The following TRAF3 variants were observed in gnomAD, a reference collection of about 807,000 sequenced individuals.
TRAF3 encodes the protein TNF receptor associated factor 3.
TRAF3 carries 13 observed loss-of-function variants against 62.3 expected under a neutral mutation model. That is an observed-to-expected ratio of 0.21 (90% CI 0.14 to 0.33). The LOEUF (loss-of-function observed/expected upper bound fraction) is 0.33. Among genes scored for constraint, TRAF3 ranks in the 10% least tolerant of loss-of-function variants. TRAF3 has a pLI of 1.00. For missense variants in TRAF3, 440 were observed against 741.8 expected (o/e 0.59, Z 4.73); for synonymous variants, 269 against 283.4 (o/e 0.95, Z 0.51).
chr14:102,889,764 A>G (rs1886896437), intron 8 of TRAF3, 130 bp downstream of exon 8: 1 of 1,158,668 alleles, frequency 8.6e-7, no homozygotes, highest in Non-Finnish European at 1.3e-6. Flanking sequence ...ACCCTGTTGC[A>G]TGGGTGACGA....
intron 1 of TRAF3, among the ~76,000 whole-genome samples, chr14:102,781,548 T>C (rs1897272535): frequency 6.6e-6 from 1 of 152,176 alleles, no homozygotes. Flanking sequence ...TGGTCCCAGT[T>C]ACTCCAGAGG....
intron 1 of TRAF3, among the ~76,000 whole-genome samples, chr14:102,821,925 C>T (rs1010128890): frequency 6.6e-6 from 1 of 152,088 alleles, no homozygotes; most frequent in African/African-American, 2.4e-5. Context: ...GCCTGTAATC[C>T]TAGCTATTCG....
At chr14:102,873,940 A>T (rs1888491819) in intron 4 of TRAF3, among the ~76,000 whole-genome samples, 2 of 152,182 alleles carry the variant, frequency 1.3e-5, no homozygotes, top group South Asian at 4.1e-4. Context: ...CTTTGGACTA[A>T]GATGTTGTAG....
intron 5 of TRAF3, 45 bp downstream of exon 5, chr14:102,875,773 G>C: frequency 6.6e-7 from 1 of 1,519,358 alleles, no homozygotes; most frequent in Non-Finnish European, 9.1e-7. Context: ...GAAGGAATTC[G>C]AGTCCCTTAC....
chr14:102,905,521 T>C lies in TRAF3; in HGVS notation c.1444T>C (p.Tyr482His), dbSNP rs1431192926. ...SLFFVIMRGE[Y>H]DALLPWPFKQ... is the part of the protein sequence containing the mutation. ...GTTTTTTGTCATCATGCGTGGAGAA[T>C]ATGATGCCCTGCTTCCTTGGCCGTT... Residue 482 changes from tyrosine to histidine, a missense_variant, in exon 12 of 12, where the codon TAT (tyrosine) becomes CAT (histidine). By Grantham distance (83) the Tyr-to-His change is moderately conservative (BLOSUM62 2). This residue lies in a region of TRAF3 where 59 missense variants were observed against 120.9 expected (regional missense o/e 0.49). Coordinates refer to ENST00000392745, the MANE Select transcript of TRAF3 (RefSeq NM_145725.3). The C allele has an allele frequency of 6.2e-7, 1 of 1,614,186 alleles. No homozygotes were observed. Among genetic ancestry groups the C allele is most frequent in the South Asian group, 1.1e-5 (1 of 91,088 alleles).
At chr14:102,858,100 A>G (rs1011970033) in intron 2 of TRAF3, among the ~76,000 whole-genome samples, 2 of 151,824 alleles carry the variant, frequency 1.3e-5, no homozygotes, top group South Asian at 4.2e-4. Context: ...GTTCTACTTG[A>G]TATTCATAAT....
At chr14:102,832,531 G>T (rs189022110) in intron 2 of TRAF3, among the ~76,000 whole-genome samples, 1 of 152,170 alleles carries the variant, frequency 6.6e-6, no homozygotes, top group Admixed American at 6.6e-5. Context: ...AATATGAGCC[G>T]GGCATGGTGG....
intron 1 of TRAF3, among the ~76,000 whole-genome samples, chr14:102,808,089 T>C (rs1898882964): frequency 1.3e-5 from 2 of 152,166 alleles, no homozygotes; most frequent in Non-Finnish European, 2.9e-5. Flanking sequence ...GTGCATTTAT[T>C]TGGCGGTTGT....
intron 4 of TRAF3, among the ~76,000 whole-genome samples, chr14:102,873,762 C>CT (rs61630662): frequency 0.24 from 35,360 of 149,580 alleles, 4,542 homozygotes; most frequent in East Asian, 0.4. Context: ...TCATGACCTT[C>CT]TTTTTTTTTT....
chr14:102,899,815 CT>C (rs1361574687), intron 10 of TRAF3, among the ~76,000 whole-genome samples: 1 of 152,092 alleles, frequency 6.6e-6, no homozygotes. Context: ...AGTGTCTTTG[CT>C]TTTTTGCCTG....
chr14:102,827,013 A>G (rs769311087), intron 1 of TRAF3, among the ~76,000 whole-genome samples: 1 of 152,008 alleles, frequency 6.6e-6, no homozygotes, highest in South Asian at 2.1e-4. Flanking sequence ...TGAGGGAGGG[A>G]CGGGCTCCGG....
At chr14:102,879,871 C>T (rs1888947919) in intron 6 of TRAF3, among the ~76,000 whole-genome samples, 1 of 152,010 alleles carries the variant, frequency 6.6e-6, no homozygotes, top group African/African-American at 2.4e-5. Flanking sequence ...GTGCCCAGCA[C>T]TTTGGGAGGC....
rs555798245 is a variant in TRAF3, at chr14:102,817,041, G to C, written c.-156-13293G>C. On this transcript the variant is annotated intron_variant, in intron 1 of 11. Coordinates refer to ENST00000392745, the MANE Select transcript of TRAF3 (RefSeq NM_145725.3). ...AAGGAATTGGATGGTGCCATTTCCT[G>C]AGCCAGGCATTGCCAGAGGCAGATC... 2.6e-5 allele frequency among the ~76,000 whole-genome samples: 4 copies of C among 152,266 alleles called. No individual in the cohort carries two copies. The East Asian group carries it at 7.7e-4, about 29-fold the overall frequency.
intron 2 of TRAF3, among the ~76,000 whole-genome samples, chr14:102,843,601 G>T (rs924366273): frequency 6.6e-6 from 1 of 152,182 alleles, no homozygotes; most frequent in African/African-American, 2.4e-5. Context: ...GCCTCCCAAA[G>T]TGCTGGGATT....
At chr14:102,809,633 T>G (rs11160700) in intron 1 of TRAF3, among the ~76,000 whole-genome samples, 1 of 150,080 alleles carries the variant, frequency 6.7e-6, no homozygotes, top group South Asian at 2.1e-4. Context: ...CCCAGGTTCA[T>G]GCTATTCTCC....
chr14:102,859,008 A>G (rs1887537428), intron 2 of TRAF3, among the ~76,000 whole-genome samples: 1 of 152,132 alleles, frequency 6.6e-6, no homozygotes, highest in African/African-American at 2.4e-5. Flanking sequence ...CTCTAAGAAA[A>G]CCTTGTTACG....
intron 2 of TRAF3, among the ~76,000 whole-genome samples, chr14:102,836,538 G>A (rs948145795): frequency 3.9e-5 from 6 of 152,136 alleles, no homozygotes; most frequent in Non-Finnish European, 7.4e-5. Context: ...TTGAAAGGCC[G>A]CTTAGATGAA....
intron 1 of TRAF3, among the ~76,000 whole-genome samples, chr14:102,821,158 G>GA (rs1566755645): frequency 6.6e-6 from 1 of 152,122 alleles, no homozygotes; most frequent in Non-Finnish European, 1.5e-5. Flanking sequence ...AAGTTGTGTA[G>GA]AATGTATTAA....
intron 10 of TRAF3, among the ~76,000 whole-genome samples, chr14:102,898,955 G>A (rs1009866469): frequency 2.0e-5 from 3 of 152,350 alleles, no homozygotes; most frequent in South Asian, 4.1e-4. Context: ...GACCTGTGAC[G>A]AGTAGAAGGT....
Sources: allele counts gnomAD v4.1 joint callset (sites outside exome capture counted in the v4.1 genomes callset), GRCh38; gene constraint gnomAD v4.1.1; regional missense constraint gnomAD v4.1.1; transcripts MANE v1.5; gene names NCBI Gene and HGNC (gene_info 2026-07-23, HGNC 2026-07-21).